Variants in PCDH17 observed in about 807,000 individuals in gnomAD.
PCDH17 encodes protocadherin-17.
A neutral mutation model predicts 67.7 loss-of-function variants in PCDH17; 21 were observed. The ratio of observed to expected loss-of-function variants is 0.31; its 90% CI spans 0.22 to 0.45. The LOEUF (loss-of-function observed/expected upper bound fraction) is 0.45, where lower values mean the gene tolerates loss of function less well. Among genes scored for constraint, PCDH17 ranks in the 20% least tolerant of loss-of-function variants. The pLI is 1.00. For missense variants in PCDH17, 1,471 were observed against 1,564.8 expected (o/e 0.94, Z 1.01); for synonymous variants, 701 against 656.7 (o/e 1.07, Z -1.03).
chr13:57,701,344 C>T (rs541175536), intron 3 of PCDH17, among the ~76,000 whole-genome samples: 20 of 152,034 alleles, frequency 1.3e-4, no homozygotes, highest in African/African-American at 3.4e-4. Context: ...ATAACGTGTA[C>T]GGTAGATATG....
intron 3 of PCDH17, among the ~76,000 whole-genome samples, chr13:57,718,623 A>G (rs1181566846): frequency 2.6e-5 from 4 of 152,080 alleles, no homozygotes; most frequent in Admixed American, 2.6e-4. Flanking sequence ...AGCCAAAAAA[A>G]GAAAGAACTG....
At chr13:57,662,790 T>C (rs1336129432) in intron 1 of PCDH17, among the ~76,000 whole-genome samples, 1 of 152,196 alleles carries the variant, frequency 6.6e-6, no homozygotes, top group African/African-American at 2.4e-5. Flanking sequence ...CACAGTTTGC[T>C]GATCACTAGT....
At chr13:57,644,318 C>A (rs1398388401) in intron 1 of PCDH17, among the ~76,000 whole-genome samples, 4 of 151,436 alleles carry the variant, frequency 2.6e-5, no homozygotes, top group African/African-American at 9.7e-5. Flanking sequence ...TGTGCCAATA[C>A]CAACAAATGA....
At chr13:57,672,965 T>C (rs1251719234) in intron 3 of PCDH17, among the ~76,000 whole-genome samples, 1 of 152,036 alleles carries the variant, frequency 6.6e-6, no homozygotes, top group African/African-American at 2.4e-5. Context: ...CAAGTCTAAA[T>C]TACAAAGTTT....
chr13:57,654,008 T>C (rs1201573030), intron 1 of PCDH17, among the ~76,000 whole-genome samples: 1 of 152,130 alleles, frequency 6.6e-6, no homozygotes, highest in Admixed American at 6.6e-5. Flanking sequence ...GTCTGTGTCC[T>C]ACAGAGAAAG....
chr13:57,651,707 C>A (rs143754463), intron 1 of PCDH17, among the ~76,000 whole-genome samples: 2 of 152,024 alleles, frequency 1.3e-5, no homozygotes, highest in East Asian at 3.9e-4. Context: ...GTTGCTTAAT[C>A]TTTTTAAATT....
chr13:57,669,547 G>A (rs1955295797), intron 3 of PCDH17, among the ~76,000 whole-genome samples: 2 of 151,708 alleles, frequency 1.3e-5, no homozygotes, highest in Admixed American at 6.6e-5. Flanking sequence ...ATCTATGTTT[G>A]TATCTGTTCA....
intron 3 of PCDH17, among the ~76,000 whole-genome samples, chr13:57,682,804 G>A (rs778011188): frequency 3.3e-5 from 5 of 151,768 alleles, no homozygotes; most frequent in Non-Finnish European, 7.4e-5. Context: ...TTGATAATGG[G>A]TAAATGTTAA....
chr13:57,697,662 AAAT>A (rs1010733225), intron 3 of PCDH17, among the ~76,000 whole-genome samples: 1 of 151,758 alleles, frequency 6.6e-6, no homozygotes, highest in African/African-American at 2.4e-5. Context: ...GTCAAAAGTT[AAAT>A]AATCAAAAAT....
intron 1 of PCDH17, among the ~76,000 whole-genome samples, chr13:57,637,823 AT>A (rs1954842142): frequency 6.6e-6 from 1 of 152,070 alleles, no homozygotes; most frequent in Admixed American, 6.6e-5. Context: ...TAAAGTTAAG[AT>A]TTAAGTATCA....
chr13:57,696,757 A>G (rs963689056), intron 3 of PCDH17, among the ~76,000 whole-genome samples: 3 of 151,540 alleles, frequency 2.0e-5, no homozygotes, highest in Non-Finnish European at 4.4e-5. Flanking sequence ...AACAATGGAA[A>G]TTAGAACAGA....
intron 1 of PCDH17, among the ~76,000 whole-genome samples, chr13:57,647,258 A>G (rs1016126630): frequency 6.6e-6 from 1 of 151,858 alleles, no homozygotes; most frequent in South Asian, 2.1e-4. Flanking sequence ...AGTCATTTAA[A>G]CATTTTAGAA....
At chr13:57,680,172 G>C (rs965423208) in intron 3 of PCDH17, among the ~76,000 whole-genome samples, 1 of 151,130 alleles carries the variant, frequency 6.6e-6, no homozygotes, top group Non-Finnish European at 1.5e-5. Context: ...ATGTGTGTAT[G>C]TATATATAAT....
chr13:57,690,422 TAAAG>T (rs983666125), intron 3 of PCDH17, among the ~76,000 whole-genome samples: 1 of 151,668 alleles, frequency 6.6e-6, no homozygotes, highest in African/African-American at 2.4e-5. Context: ...CTTACTGTAA[TAAAG>T]AGTGTAGGAG....
chr13:57,662,960 C>T (rs7318750), intron 1 of PCDH17, among the ~76,000 whole-genome samples: 122,922 of 152,016 alleles, frequency 0.81, 49,830 homozygotes, highest in South Asian at 0.89. Context: ...AGAAAGAAAA[C>T]GAAAAAGATA....
intron 3 of PCDH17, among the ~76,000 whole-genome samples, chr13:57,710,109 T>C (rs1169028309): frequency 6.6e-6 from 1 of 151,906 alleles, no homozygotes; most frequent in Non-Finnish European, 1.5e-5. Context: ...AATAAACTGA[T>C]GGAATGGAAA....
At chr13:57,654,902 A>G (rs1162073101) in intron 1 of PCDH17, among the ~76,000 whole-genome samples, 1 of 151,898 alleles carries the variant, frequency 6.6e-6, no homozygotes, top group Non-Finnish European at 1.5e-5. Flanking sequence ...ATCTTTTCCT[A>G]TGTAATGGTC....
chr13:57,725,000 A>C lies in PCDH17; in HGVS notation c.3186A>C (p.Gly1062=), dbSNP rs1049537394. 14 of 1,614,080 alleles carry C rather than the reference A, an allele frequency of 8.7e-6. No homozygotes were observed. Among genetic ancestry groups the C allele is most frequent in the African/African-American group, 2.7e-5 (2 of 74,944 alleles). The change falls in exon 4 of 4, where the codon GGA becomes GGC. Residue 1062 remains glycine, a synonymous_variant. Transcript: ENST00000377918. ...TGGATGGCTGTGAAGCAAAACCAGG[A>C]GCCCTGGCTGAAGCAAGCAGTCAGT... ...GSLDGCEAKP[G]ALAEASSQYL...
At position 57,634,606 on chromosome 13, in the gene PCDH17, C is replaced by T; in HGVS notation, c.2060C>T (p.Ser687Phe). 6.2e-7 allele frequency: 1 copy of T among 1,613,424 alleles called. No individual in the cohort carries two copies. The highest frequency in any genetic ancestry group is 8.5e-7 in the Non-Finnish European group (1 of 1,179,986). Residue 687 changes from serine (S) to phenylalanine (F), a missense_variant, in exon 1 of 4, where the codon TCC becomes TTC. Physicochemically the swap from Ser to Phe is radical, Grantham distance 155. Transcript: ENST00000377918. The surrounding 1 kb of genome is among the most constrained non-coding windows in gnomAD (Gnocchi z 7.8). ...AKLIIRSVSG[S>F]LPEGVPRVNG... is the part of the protein sequence containing the mutation. ...CTCATCATCCGCTCGGTGAGCGGAT[C>T]CCTTCCCGAGGGGGTACCACGGGTG...
Sources: allele counts gnomAD v4.1 joint callset (sites outside exome capture counted in the v4.1 genomes callset), GRCh38; gene constraint gnomAD v4.1.1; non-coding constraint Gnocchi (gnomAD v3.1); transcripts MANE v1.5; gene names NCBI Gene and HGNC (gene_info 2026-07-23, HGNC 2026-07-21).